Variants in PTPN14 observed in about 807,000 individuals in gnomAD.
The protein encoded by PTPN14 is protein tyrosine phosphatase non-receptor type 14.
PTPN14 carries 53 observed loss-of-function variants against 126.8 expected under a neutral mutation model. The observed-to-expected ratio is 0.42, with a 90% CI of 0.34 to 0.53. The LOEUF (loss-of-function observed/expected upper bound fraction) is 0.53, where lower values mean the gene tolerates loss of function less well. PTPN14 is among the 20% of genes least tolerant of loss of function. The pLI is 0.08. For missense variants in PTPN14, 1,257 were observed against 1,552.9 expected, an observed-to-expected ratio of 0.81 and a Z score of 3.20; for synonymous variants, 630 against 599.3, an observed-to-expected ratio of 1.05 and a Z score of -0.75.
At chr1:214,360,645 A>G (rs73074007) in intron 18 of PTPN14, among the ~76,000 whole-genome samples, 4,883 of 152,326 alleles carry the variant, frequency 0.032, 132 homozygotes, top group African/African-American at 0.072. Context: ...TTTAGCCAGG[A>G]GGCAGGATCA....
intron 1 of PTPN14, among the ~76,000 whole-genome samples, chr1:214,473,116 T>C (rs1660797366): frequency 1.3e-5 from 2 of 152,196 alleles, no homozygotes; most frequent in Admixed American, 6.5e-5. Flanking sequence ...AACTGTGGAT[T>C]TCCAGTATTT....
intron 3 of PTPN14, among the ~76,000 whole-genome samples, chr1:214,435,634 A>G (rs1035052074): frequency 3.3e-5 from 5 of 152,240 alleles, no homozygotes; most frequent in African/African-American, 1.2e-4. Context: ...GTGGCCAACA[A>G]GCATAAGAAA....
chr1:214,387,751 G>A (rs1268043109), intron 11 of PTPN14, among the ~76,000 whole-genome samples: 1 of 151,920 alleles, frequency 6.6e-6, no homozygotes, highest in Non-Finnish European at 1.5e-5. Context: ...TGAGAATAAG[G>A]GGGACACCTG....
chr1:214,497,781 T>C (rs1255222435), intron 1 of PTPN14, among the ~76,000 whole-genome samples: 3 of 152,176 alleles, frequency 2.0e-5, no homozygotes, highest in Non-Finnish European at 2.9e-5. Context: ...CATTTCATAT[T>C]ATGTATATAT....
intron 5 of PTPN14, among the ~76,000 whole-genome samples, chr1:214,407,649 C>T (rs538048578): frequency 1.2e-4 from 18 of 152,346 alleles, no homozygotes; most frequent in Admixed American, 2.0e-4. Flanking sequence ...CCCAGTCTCT[C>T]AAAACCTAAA....
chr1:214,464,301 G>T (rs979120762), intron 2 of PTPN14, among the ~76,000 whole-genome samples: 2 of 149,292 alleles, frequency 1.3e-5, no homozygotes, highest in Admixed American at 6.7e-5. Flanking sequence ...CAAAATACCA[G>T]CTACCCACTC....
chr1:214,428,757 T>A (rs929770419), intron 3 of PTPN14, among the ~76,000 whole-genome samples: 2 of 152,108 alleles, frequency 1.3e-5, no homozygotes, highest in South Asian at 4.1e-4. Context: ...TTTGGCAAAA[T>A]CTCTGGAAGG....
At chr1:214,484,301 A>C (rs1302629929) in intron 1 of PTPN14, among the ~76,000 whole-genome samples, 2 of 152,198 alleles carry the variant, frequency 1.3e-5, no homozygotes, top group Non-Finnish European at 2.9e-5. Flanking sequence ...CTCCTCAGGA[A>C]GCTGGGGCAA....
intron 8 of PTPN14, 120 bp downstream of exon 8, chr1:214,397,792 CT>C: frequency 1.3e-6 from 1 of 771,670 alleles, no homozygotes; most frequent in Non-Finnish European, 2.1e-6. Context: ...CTTATATGAG[CT>C]GAGAGAAGTC....
chr1:214,391,424 A>G (rs950427312), intron 10 of PTPN14, among the ~76,000 whole-genome samples: 1 of 152,192 alleles, frequency 6.6e-6, no homozygotes, highest in Non-Finnish European at 1.5e-5. Flanking sequence ...TTTAAAAAAA[A>G]TGCAAGAAAA....
At chr1:214,463,536 G>A (rs1411915943) in intron 2 of PTPN14, among the ~76,000 whole-genome samples, 2 of 152,176 alleles carry the variant, frequency 1.3e-5, no homozygotes, top group Admixed American at 6.5e-5. Flanking sequence ...CAGTTTCCCT[G>A]AGAAAAACAG....
In PTPN14 at chr1:214,551,288, G is replaced by A. The variant is rs923478932; in HGVS notation, c.-260C>T. On this transcript the variant is annotated 5_prime_UTR_variant, in exon 1 of 19. Coordinates refer to ENST00000366956, the MANE Select transcript of PTPN14 (RefSeq NM_005401.5). The stretch of plus-strand genomic sequence containing the variant: ...GAATTGATTCCAGTGACTGGCGGAG[G>A]AGGGGCGAAGGGAAGGAGCCGCAGG... 5 of 152,448 alleles carry A rather than the reference G, an allele frequency of 3.3e-5. No individual in the cohort carries two copies. Among genetic ancestry groups the A allele is most frequent in the African/African-American group, 7.2e-5 (3 of 41,490 alleles). The allele number at this position is 152,448 out of a possible 1,614,324, so 9.4% of individuals were successfully genotyped here. A position where few individuals can be genotyped will look rare whatever the true frequency, so the allele number is the denominator to read the frequency against.
chr1:214,389,645 A>G (rs1002389761), intron 11 of PTPN14, among the ~76,000 whole-genome samples: 1 of 152,254 alleles, frequency 6.6e-6, no homozygotes, highest in Non-Finnish European at 1.5e-5. Flanking sequence ...TCATCCAAAT[A>G]AAATAGGTAA....
intron 3 of PTPN14, among the ~76,000 whole-genome samples, chr1:214,422,661 T>A (rs1659569054): frequency 6.6e-6 from 1 of 152,204 alleles, no homozygotes; most frequent in African/African-American, 2.4e-5. Flanking sequence ...CTGCATAACA[T>A]CCTTGAAGCT....
At chr1:214,511,635 A>T (rs529392280) in intron 1 of PTPN14, among the ~76,000 whole-genome samples, 306 of 152,362 alleles carry the variant, frequency 2.0e-3, no homozygotes, top group African/African-American at 7.2e-3. Context: ...AATTAAAAAC[A>T]GAATTCCCTT....
At chr1:214,426,546 A>G (rs1272067041) in intron 3 of PTPN14, among the ~76,000 whole-genome samples, 2 of 152,098 alleles carry the variant, frequency 1.3e-5, no homozygotes, top group Non-Finnish European at 2.9e-5. Flanking sequence ...AAAAAAAATG[A>G]TGGCCAAAGT....
At chr1:214,455,008 C>T (rs1412818678) in intron 2 of PTPN14, among the ~76,000 whole-genome samples, 1 of 152,168 alleles carries the variant, frequency 6.6e-6, no homozygotes, top group African/African-American at 2.4e-5. Flanking sequence ...TTTCCATTCC[C>T]ACCCTACTCC....
intron 3 of PTPN14, among the ~76,000 whole-genome samples, chr1:214,426,032 CAAAAAAAAAAAAAAA>C (rs66656875): frequency 5.9e-5 from 2 of 33,850 alleles, no homozygotes; most frequent in African/African-American, 2.3e-4. Context: ...GCATAAATCG[CAAAAAAAAAAAAAAA>C]AAAAAAAAAA....
At chr1:214,477,439 CACAT>C (rs777623623) in intron 1 of PTPN14, among the ~76,000 whole-genome samples, 16 of 152,220 alleles carry the variant, frequency 1.1e-4, no homozygotes, top group Non-Finnish European at 2.4e-4. Context: ...ACACAACACA[CACAT>C]ACCCCACACT....
Sources: gnomAD v4.1 joint callset for allele counts (sites outside exome capture counted in the v4.1 genomes callset) on GRCh38, gnomAD v4.1.1 for gene constraint, MANE v1.5 for transcripts, NCBI Gene and HGNC (gene_info 2026-07-23, HGNC 2026-07-21) for gene names.